EXT2: variants seen among roughly 807,000 people sequenced by gnomAD.
EXT2 encodes the protein exostosin-2.
A neutral mutation model predicts 81.6 loss-of-function variants in EXT2; 53 were observed. That is an observed-to-expected ratio of 0.65 (90% CI 0.52 to 0.82). The LOEUF (loss-of-function observed/expected upper bound fraction) is 0.82. EXT2 is among the 40% of genes least tolerant of loss of function. The probability of loss-of-function intolerance (pLI) is 0.00; values close to 1 mark genes in which losing one functional copy is unlikely to be tolerated. For missense variants in EXT2, 774 were observed against 910.2 expected, an observed-to-expected ratio of 0.85 and a Z score of 1.93; for synonymous variants, 320 against 340.0, an observed-to-expected ratio of 0.94 and a Z score of 0.65.
intron 4 of EXT2, among the ~76,000 whole-genome samples, chr11:44,118,285 T>C (rs1954250912): frequency 1.3e-5 from 2 of 152,184 alleles, no homozygotes; most frequent in African/African-American, 4.8e-5. Flanking sequence ...AAATGTACTT[T>C]TTTTTTTAAC....
intron 1 of EXT2, among the ~76,000 whole-genome samples, chr11:44,107,118 G>A (rs1368767023): frequency 6.6e-6 from 1 of 151,612 alleles, no homozygotes; most frequent in Admixed American, 6.6e-5. Context: ...TATATTGATA[G>A]GGTATAGTAA....
At chr11:44,171,075 G>A (rs1955066239) in intron 7 of EXT2, among the ~76,000 whole-genome samples, 1 of 152,154 alleles carries the variant, frequency 6.6e-6, no homozygotes, top group Admixed American at 6.5e-5. Flanking sequence ...ACACAGAAGA[G>A]TAAATACTGT....
intron 1 of EXT2, among the ~76,000 whole-genome samples, chr11:44,104,266 G>A (rs1031303179): frequency 6.6e-5 from 10 of 152,172 alleles, no homozygotes; most frequent in African/African-American, 2.4e-4. Context: ...GGTTCATTGC[G>A]TGTTCTGTGG....
At chr11:44,149,656 A>G (rs903470312) in intron 7 of EXT2, among the ~76,000 whole-genome samples, 3 of 152,220 alleles carry the variant, frequency 2.0e-5, no homozygotes, top group South Asian at 2.1e-4. Context: ...CATTTTTGTC[A>G]TTAACGAATA....
intron 10 of EXT2, among the ~76,000 whole-genome samples, chr11:44,225,468 AG>A (rs1341321763): frequency 6.6e-6 from 1 of 152,128 alleles, no homozygotes; most frequent in Non-Finnish European, 1.5e-5. Flanking sequence ...ATGGGAGCAA[AG>A]GGTTTTTTCG....
In EXT2 at chr11:44,236,361, A is replaced by AC; in HGVS notation, c.2005dup (p.His669ProfsTer29). 1.9e-6 allele frequency: 3 copies of AC among 1,614,014 alleles called. No homozygotes were observed. Among genetic ancestry groups the AC allele is most frequent in the Non-Finnish European group, 2.5e-6 (3 of 1,179,996 alleles). The stretch of plus-strand genomic sequence containing the variant: ...TAGATGGGCTTTCACTAGACCAAAC[A>AC]CACATGGTGGAGAGGTAAGTGAGCC... On this transcript the variant is annotated frameshift_variant, in exon 13 of 14. Transcript: ENST00000533608. LOFTEE classifies it high-confidence loss of function.
chr11:44,206,879 G>A lies in EXT2; in HGVS notation c.1582G>A (p.Glu528Lys), dbSNP rs761890554. ...AAGTAACCGTTTCTTCCCTTATGAT[G>A]AAATCGAGACAGAAGCTGTTCTGGC... ...KLSNRFFPYD[E>K]IETEAVLAID... Residue 528 changes from glutamate (E) to lysine (K), a missense_variant, in exon 10 of 14, where the codon GAA becomes AAA. By Grantham distance (56) the Glu-to-Lys change is moderately conservative. Around this residue, in one of 2 missense-constraint regions of EXT2, gnomAD observed 626 missense variants for 670.5 expected, o/e 0.93. Transcript: ENST00000533608. The A allele has an allele frequency of 4.1e-5, 66 of 1,614,022 alleles. No homozygotes were observed. Among genetic ancestry groups the A allele is most frequent in the Non-Finnish European group, 5.4e-5 (64 of 1,180,032 alleles).
chr11:44,220,276 G>T lies in EXT2; in HGVS notation c.1663-12077G>T, dbSNP rs1208394673. Reference sequence around the variant, plus strand: ...AGAAAACCATAATTTTTTTAGGCCTGTTGTGTACCCTGTTCTTTAAGTTGA... The same window carrying T: ...AGAAAACCATAATTTTTTTAGGCCTTTTGTGTACCCTGTTCTTTAAGTTGA... On this transcript the variant is annotated intron_variant, in intron 10 of 13. Transcript: ENST00000533608. The surrounding 1 kb of genome is among the most constrained non-coding windows in gnomAD (Gnocchi z 4.4). Among the ~76,000 whole-genome samples, 1 of 152,192 alleles carries T rather than the reference G, an allele frequency of 6.6e-6. No homozygotes were observed. Among genetic ancestry groups the T allele is most frequent in the African/African-American group, 2.4e-5 (1 of 41,432 alleles).
intron 7 of EXT2, among the ~76,000 whole-genome samples, chr11:44,165,186 T>C (rs1279015620): frequency 6.6e-6 from 1 of 152,156 alleles, no homozygotes; most frequent in African/African-American, 2.4e-5. Context: ...CCCACACTTT[T>C]AAGATAGATA....
In EXT2 at chr11:44,236,825, G is replaced by A. The variant is rs76496651; in HGVS notation, c.2018+450G>A. On this transcript the variant is annotated intron_variant, in intron 13 of 13. Coordinates refer to ENST00000533608, the MANE Select transcript of EXT2 (RefSeq NM_207122.2). ...GGAAATGCCTGCCAAGAACAGGATCGAAAGCAAAGCCCTCATATTACAGAC... is the reference window on the plus strand; with the variant it reads ...GGAAATGCCTGCCAAGAACAGGATCAAAAGCAAAGCCCTCATATTACAGAC... 6.8e-3 allele frequency among the ~76,000 whole-genome samples: 1,034 copies of A among 152,230 alleles called. 15 individuals are homozygous for A. The highest frequency in any genetic ancestry group is 0.023 in the African/African-American group (966 of 41,530).
intron 8 of EXT2, among the ~76,000 whole-genome samples, chr11:44,190,998 TA>T (rs1408957119): frequency 6.6e-6 from 1 of 152,200 alleles, no homozygotes; most frequent in African/African-American, 2.4e-5. Context: ...TTTGAACTGG[TA>T]GCTGACTTTA....
intron 13 of EXT2, 25 bp downstream of exon 13, chr11:44,236,400 G>T (rs1275022317): frequency 6.2e-7 from 1 of 1,609,310 alleles, no homozygotes; most frequent in East Asian, 2.2e-5. Flanking sequence ...AACCAAAAGT[G>T]CGCCTTAGCC....
At chr11:44,119,969 C>T (rs1215853755) in intron 4 of EXT2, among the ~76,000 whole-genome samples, 1 of 152,186 alleles carries the variant, frequency 6.6e-6, no homozygotes, top group African/African-American at 2.4e-5. Flanking sequence ...ATTGTTTAAT[C>T]CCTCTCATAT....
rs973222924 is a variant in EXT2, at chr11:44,249,258, A to C, written c.*4971A>C. ...AGTGATCCTCCTGCCTCAGCGTCCC[A>C]AAGTGTTGGGATTACAGGTGTGAAC... On this transcript the variant is annotated 3_prime_UTR_variant, in exon 14 of 14. Transcript: ENST00000533608. Among the ~76,000 whole-genome samples the C allele has an allele frequency of 6.6e-6, 1 of 152,134 alleles. No homozygotes were observed. Among genetic ancestry groups the C allele is most frequent in the Admixed American group, 6.5e-5 (1 of 15,274 alleles).
chr11:44,234,313 C>A, intron 12 of EXT2, 70 bp downstream of exon 12: 1 of 1,463,514 alleles, frequency 6.8e-7, no homozygotes, highest in East Asian at 2.4e-5. Context: ...CTAGGAAGTT[C>A]TTGTAACTAT....
In EXT2 at chr11:44,250,886, T is replaced by C. The variant is rs180752524; in HGVS notation, c.*6599T>C. On this transcript the variant is annotated 3_prime_UTR_variant, in exon 14 of 14. Transcript: ENST00000533608. ...CACTGCCTGCTTAGAAGTAAAGTTATGTTTCTCATTAAGGGGATAACAGCC... is the reference window on the plus strand; with the variant it reads ...CACTGCCTGCTTAGAAGTAAAGTTACGTTTCTCATTAAGGGGATAACAGCC... 7.4e-4 allele frequency among the ~76,000 whole-genome samples: 113 copies of C among 152,352 alleles called. No homozygotes were observed. The South Asian group carries it at 0.011, about 15-fold the overall frequency.
At chr11:44,096,147 G>A (rs1322528614) in intron 1 of EXT2, 2 of 1,111,726 alleles carry the variant, frequency 1.8e-6, no homozygotes, top group African/African-American at 1.5e-5. Context: ...CCCCCAGTCC[G>A]CTCCTTCCTT....
At chr11:44,220,000 A>G (rs950224033) in intron 10 of EXT2, among the ~76,000 whole-genome samples, 1 of 152,238 alleles carries the variant, frequency 6.6e-6, no homozygotes, top group African/African-American at 2.4e-5. Context: ...TGGGAAGATT[A>G]GGAATTAAAG....
chr11:44,108,033 T>C lies in EXT2; in HGVS notation c.321T>C (p.Tyr107=), dbSNP rs767802942. Residue 107 remains tyrosine (Y), a synonymous_variant, in exon 2 of 14, where the codon TAT becomes TAC. Transcript: ENST00000533608. The part of the protein sequence containing the change: ...GFNPKNKIKV[Y]IYALKKYVDD... ...ACCCAAAGAACAAAATCAAGGTGTA[T>C]ATCTATGCTCTGAAAAAGTACGTGG... 11 of 1,614,164 alleles carry C rather than the reference T, an allele frequency of 6.8e-6. No homozygotes were observed. Among genetic ancestry groups the C allele is most frequent in the South Asian group, 1.1e-5 (1 of 91,078 alleles).
Sources: allele counts gnomAD v4.1 joint callset (sites outside exome capture counted in the v4.1 genomes callset), GRCh38; gene constraint gnomAD v4.1.1; regional missense constraint gnomAD v4.1.1; non-coding constraint Gnocchi (gnomAD v3.1); transcripts MANE v1.5; gene names NCBI Gene and HGNC (gene_info 2026-07-23, HGNC 2026-07-21).